CSMD3: variants seen among roughly 807,000 people sequenced by gnomAD.
CSMD3 encodes CUB and sushi domain-containing protein 3.
A neutral mutation model predicts 435.2 loss-of-function variants in CSMD3; 177 were observed. That is an observed-to-expected ratio of 0.41 (90% confidence interval 0.36 to 0.46). The LOEUF (loss-of-function observed/expected upper bound fraction) is 0.46. Among genes scored for constraint, CSMD3 ranks in the 20% least tolerant of loss-of-function variants. CSMD3 has a pLI of 0.34. For missense variants in CSMD3, 4,265 were observed against 4,504.6 expected (o/e 0.95, Z 1.52); for synonymous variants, 1,656 against 1,520.5 (o/e 1.09, Z -2.07).
At chr8:113,046,868 G>A (rs574008469) in intron 5 of CSMD3, among the ~76,000 whole-genome samples, 5 of 152,274 alleles carry the variant, frequency 3.3e-5, no homozygotes, top group African/African-American at 1.2e-4. Flanking sequence ...AAAGGTCTAG[G>A]GGCAGATCTG....
intron 1 of CSMD3, among the ~76,000 whole-genome samples, chr8:113,403,357 G>C (rs1441332345): frequency 2.0e-5 from 3 of 151,160 alleles, no homozygotes; most frequent in Admixed American, 1.3e-4. Flanking sequence ...TTTTCTTTCT[G>C]TTCCTGTGGT....
intron 16 of CSMD3, among the ~76,000 whole-genome samples, chr8:112,680,378 A>G (rs1014574795): frequency 6.6e-6 from 1 of 152,146 alleles, no homozygotes; most frequent in Non-Finnish European, 1.5e-5. Context: ...AAACAAACAA[A>G]CAAACAAAAA....
intron 32 of CSMD3, among the ~76,000 whole-genome samples, chr8:112,453,010 C>T (rs999924851): frequency 2.6e-5 from 4 of 152,070 alleles, no homozygotes; most frequent in African/African-American, 9.7e-5. Flanking sequence ...GTGCTCAATG[C>T]TTTAAATAAA....
chr8:112,757,708 G>A (rs927110977), intron 13 of CSMD3, among the ~76,000 whole-genome samples: 9 of 152,082 alleles, frequency 5.9e-5, no homozygotes, highest in Non-Finnish European at 1.2e-4. Context: ...GACGAGACCA[G>A]AAGTCTCTAA....
chr8:112,231,749 T>C lies in CSMD3; in HGVS notation c.10741-117A>G, dbSNP rs1014560127. The C allele has an allele frequency of 9.2e-6, 7 of 757,536 alleles. No homozygotes were observed. In the African/African-American group the frequency reaches 1.2e-4, roughly 13 times the overall value. The allele number at this position is 757,536 out of a possible 1,614,324, so 46.9% of individuals were successfully genotyped here. A position where few individuals can be genotyped will look rare whatever the true frequency, so the allele number is the denominator to read the frequency against. ...AATATTATCACAAGTTCCTTTCTTC[T>C]ATATTTTTCTCCTTTGCAAAATATA... On this transcript the variant is annotated intron_variant, in intron 68 of 70. Coordinates refer to ENST00000297405, the MANE Select transcript of CSMD3 (RefSeq NM_198123.2).
chr8:113,317,542 G>A (rs895127166), intron 1 of CSMD3, among the ~76,000 whole-genome samples: 2 of 152,044 alleles, frequency 1.3e-5, no homozygotes, highest in African/African-American at 4.8e-5. Context: ...TTCCTTATCT[G>A]TATTCTTCTT....
intron 4 of CSMD3, among the ~76,000 whole-genome samples, chr8:113,153,049 GAA>G (rs2091846475): frequency 2.3e-5 from 3 of 128,578 alleles, no homozygotes; most frequent in East Asian, 2.2e-4. Flanking sequence ...AAAAAGAAAA[GAA>G]GAGAGAAAAA....
At chr8:113,376,802 G>C (rs1191938331) in intron 1 of CSMD3, 1 of 1,613,826 alleles carries the variant, frequency 6.2e-7, no homozygotes, top group South Asian at 1.1e-5. Flanking sequence ...ACATTCAACC[G>C]GGTTGTGCTG....
chr8:112,579,927 A>T (rs1830220560), intron 23 of CSMD3, among the ~76,000 whole-genome samples: 1 of 152,072 alleles, frequency 6.6e-6, no homozygotes, highest in African/African-American at 2.4e-5. Flanking sequence ...CATTTTGCAT[A>T]AGAAATAAAT....
At chr8:112,437,098 A>G (rs1324812325) in intron 32 of CSMD3, among the ~76,000 whole-genome samples, 9 of 152,082 alleles carry the variant, frequency 5.9e-5, no homozygotes, top group Non-Finnish European at 1.2e-4. Context: ...TTTATATAAG[A>G]TTTAGTGCCT....
chr8:113,398,883 G>A (rs538609123), intron 1 of CSMD3, among the ~76,000 whole-genome samples: 1 of 151,732 alleles, frequency 6.6e-6, no homozygotes, highest in East Asian at 1.9e-4. Flanking sequence ...AGAGTAAGTG[G>A]AAAAATGGTG....
In CSMD3 at chr8:112,342,472, A is replaced by G. The variant is rs538028932; in HGVS notation, c.6443-786T>C. ...TTGTAATAAAATCTGATATTTGGTG[A>G]AAGTTTTAAGTTATTTATATTTGCT... On this transcript the variant is annotated intron_variant, in intron 41 of 70. Coordinates refer to ENST00000297405, the MANE Select transcript of CSMD3 (RefSeq NM_198123.2). Among the ~76,000 whole-genome samples, 5 of 152,088 alleles carry G rather than the reference A, an allele frequency of 3.3e-5. No homozygotes were observed. The South Asian group carries it at 6.2e-4, about 19-fold the overall frequency.
At chr8:112,378,260 TA>T (rs915953703) in intron 38 of CSMD3, among the ~76,000 whole-genome samples, 23 of 145,606 alleles carry the variant, frequency 1.6e-4, no homozygotes, top group South Asian at 2.2e-4. Flanking sequence ...GAGGTTTCAT[TA>T]AAAAAAAGAA....
At position 112,339,847 on chromosome 8, in the gene CSMD3, C is replaced by T. The variant is rs141752651; in HGVS notation, c.6652+1630G>A. Among the ~76,000 whole-genome samples the T allele has an allele frequency of 5.9e-5, 9 of 152,206 alleles. No individual in the cohort carries two copies. In the East Asian group the frequency reaches 1.7e-3, roughly 29 times the overall value. On this transcript the variant is annotated intron_variant, in intron 42 of 70. Transcript: ENST00000297405. ...CTAGGTTAGTTACATAAATGTAGCA[C>T]AAAAAGAAACCATTTTAAAACTCAG...
intron 47 of CSMD3, among the ~76,000 whole-genome samples, chr8:112,318,384 C>A (rs921801443): frequency 6.6e-6 from 1 of 152,010 alleles, no homozygotes. Flanking sequence ...GCGAGGGCCA[C>A]TTAAAATTTA....
intron 45 of CSMD3, among the ~76,000 whole-genome samples, chr8:112,323,531 A>C (rs1823211128): frequency 6.6e-6 from 1 of 152,070 alleles, no homozygotes; most frequent in Admixed American, 6.6e-5. Flanking sequence ...GTGTCCCTAT[A>C]AAATAAAAAG....
At chr8:113,253,136 G>A (rs1015654068) in intron 3 of CSMD3, among the ~76,000 whole-genome samples, 5 of 152,080 alleles carry the variant, frequency 3.3e-5, no homozygotes, top group Non-Finnish European at 7.4e-5. Context: ...AACCAGGACT[G>A]AGATTGATCC....
At chr8:112,466,684 T>C (rs1392243849) in intron 32 of CSMD3, among the ~76,000 whole-genome samples, 1 of 152,170 alleles carries the variant, frequency 6.6e-6, no homozygotes, top group African/African-American at 2.4e-5. Flanking sequence ...AATACCTAAA[T>C]TCTCAGATTA....
intron 22 of CSMD3, among the ~76,000 whole-genome samples, chr8:112,626,121 A>G (rs1318029613): frequency 6.6e-6 from 1 of 152,154 alleles, no homozygotes; most frequent in East Asian, 1.9e-4. Flanking sequence ...ATCAAAAAAA[A>G]CCAGAAATGA....
Sources: gnomAD v4.1 joint callset for allele counts (sites outside exome capture counted in the v4.1 genomes callset) on GRCh38, gnomAD v4.1.1 for gene constraint, MANE v1.5 for transcripts, NCBI Gene and HGNC (gene_info 2026-07-23, HGNC 2026-07-21) for gene names.